The following DLC1 variants were observed in gnomAD, a reference collection of about 807,000 sequenced individuals.
DLC1 encodes rho GTPase-activating protein 7.
In DLC1, 54 loss-of-function variants were observed where a neutral mutation model predicts 140.3. The observed-to-expected ratio is 0.38, with a 90% confidence interval of 0.31 to 0.48. The LOEUF (loss-of-function observed/expected upper bound fraction) is 0.48. Ranked by LOEUF, DLC1 falls within the 20% of genes least tolerant of loss-of-function variation. DLC1 has a pLI of 0.96. For missense variants in DLC1, 2,536 were observed against 1,907.0 expected (o/e 1.33, Z -6.14); for synonymous variants, 986 against 728.1 (o/e 1.35, Z -5.70).
At chr8:13,550,638 C>A (rs1585265136) in intron 1 of DLC1, among the ~76,000 whole-genome samples, 1 of 152,190 alleles carries the variant, frequency 6.6e-6, no homozygotes, top group South Asian at 2.1e-4. Flanking sequence ...AACAAAATAT[C>A]ATTATGTATA....
At chr8:13,321,951 A>C (rs946690019) in intron 4 of DLC1, among the ~76,000 whole-genome samples, 1 of 152,190 alleles carries the variant, frequency 6.6e-6, no homozygotes, top group Non-Finnish European at 1.5e-5. Flanking sequence ...TATCTGGGTA[A>C]AAATTCCATT....
At chr8:13,137,834 C>G (rs1822687741) in intron 5 of DLC1, among the ~76,000 whole-genome samples, 1 of 151,778 alleles carries the variant, frequency 6.6e-6, no homozygotes, top group African/African-American at 2.4e-5. Context: ...CTGATCTCAG[C>G]TGATCTGCCC....
At chr8:13,560,771 G>C (rs931690508) in intron 1 of DLC1, among the ~76,000 whole-genome samples, 1 of 152,036 alleles carries the variant, frequency 6.6e-6, no homozygotes, top group Non-Finnish European at 1.5e-5. Flanking sequence ...TCCCTGTGGG[G>C]GGGGAGGGAA....
At chr8:13,450,042 G>C (rs533563390) in intron 2 of DLC1, among the ~76,000 whole-genome samples, 2 of 151,868 alleles carry the variant, frequency 1.3e-5, no homozygotes, top group South Asian at 2.1e-4. Flanking sequence ...AAAATTGCCA[G>C]TTTTTAGCTC....
chr8:13,413,096 C>T (rs1477134541), intron 2 of DLC1, among the ~76,000 whole-genome samples: 6 of 151,886 alleles, frequency 4.0e-5, no homozygotes, highest in African/African-American at 1.5e-4. Context: ...TGGGACCCTG[C>T]TACTGATAAG....
chr8:13,442,410 A>C (rs1688791019), intron 2 of DLC1, among the ~76,000 whole-genome samples: 1 of 152,224 alleles, frequency 6.6e-6, no homozygotes, highest in Non-Finnish European at 1.5e-5. Flanking sequence ...CATCACAGTG[A>C]ACAGGCAACC....
At chr8:13,337,922 T>C (rs1258922491) in intron 4 of DLC1, among the ~76,000 whole-genome samples, 5 of 152,210 alleles carry the variant, frequency 3.3e-5, no homozygotes, top group Non-Finnish European at 7.3e-5. Flanking sequence ...GAATTGTATA[T>C]GCAATTTATT....
intron 1 of DLC1, among the ~76,000 whole-genome samples, chr8:13,564,985 A>G (rs1447276998): frequency 6.6e-6 from 1 of 152,188 alleles, no homozygotes; most frequent in African/African-American, 2.4e-5. Flanking sequence ...AGATGGCAAG[A>G]AGATTGAGAT....
chr8:13,114,521 C>G (rs1485848312), intron 6 of DLC1, among the ~76,000 whole-genome samples: 1 of 151,974 alleles, frequency 6.6e-6, no homozygotes, highest in Non-Finnish European at 1.5e-5. Flanking sequence ...AGCACAGATC[C>G]TATTTTTTTT....
chr8:13,549,034 C>T (rs1448805887), intron 1 of DLC1, among the ~76,000 whole-genome samples: 1 of 151,894 alleles, frequency 6.6e-6, no homozygotes, highest in African/African-American at 2.4e-5. Flanking sequence ...TTTTTCCTTC[C>T]ATTACATTTA....
intron 5 of DLC1, chr8:13,116,280 A>G (rs1820552910): frequency 2.1e-6 from 2 of 962,318 alleles, no homozygotes; most frequent in Middle Eastern, 5.3e-4. Context: ...AATGGCTAAT[A>G]AAGCTTCTAC....
At chr8:13,589,690 T>A (rs1027031967) in intron 1 of DLC1, among the ~76,000 whole-genome samples, 1 of 7,642 alleles carries the variant, frequency 1.3e-4, no homozygotes, top group Non-Finnish European at 1.2e-3. Flanking sequence ...GAATGCTCTG[T>A]TTTTTTTTTT....
chr8:13,088,359 G>A (rs1253820844), intron 16 of DLC1, 128 bp downstream of exon 16: 1 of 1,112,570 alleles, frequency 9.0e-7, no homozygotes, highest in Non-Finnish European at 1.3e-6. Context: ...TGGGATTACA[G>A]GTGTGAGCCA....
rs1825329590 is a variant in DLC1, at chr8:13,169,680, A to AACACCT, written c.1349-54024_1349-54023insAGGTGT. ...TCTAAATCAGGACTTTGTTTTTTAAAAAGTCTGCAGGTGTTATTGCCTTTT... is the reference window on the plus strand; with the variant it reads ...TCTAAATCAGGACTTTGTTTTTTAAAACACCTAAGTCTGCAGGTGTTATTGCCTTTT... On this transcript the variant is annotated intron_variant, in intron 5 of 17. Coordinates refer to ENST00000276297, the MANE Select transcript of DLC1 (RefSeq NM_182643.3). 3.9e-5 allele frequency among the ~76,000 whole-genome samples: 6 copies of AACACCT among 152,288 alleles called. No homozygotes were observed. In the South Asian group the frequency reaches 1.2e-3, roughly 32 times the overall value.
intron 4 of DLC1, among the ~76,000 whole-genome samples, chr8:13,307,680 G>T (rs1474528950): frequency 6.6e-6 from 1 of 152,196 alleles, no homozygotes; most frequent in East Asian, 1.9e-4. Context: ...CCTGGAGAAA[G>T]TTCCTCAGGA....
At chr8:13,415,954 T>C (rs1450480503) in intron 2 of DLC1, among the ~76,000 whole-genome samples, 1 of 152,140 alleles carries the variant, frequency 6.6e-6, no homozygotes, top group Non-Finnish European at 1.5e-5. Flanking sequence ...TTCAAACAAC[T>C]ATGCCAAAGT....
chr8:13,363,227 T>C (rs957562721), intron 4 of DLC1, among the ~76,000 whole-genome samples: 1 of 152,244 alleles, frequency 6.6e-6, no homozygotes, highest in Non-Finnish European at 1.5e-5. Context: ...CTTTGTAGTT[T>C]GTTATCTTTC....
chr8:13,098,604 T>G, intron 9 of DLC1, 29 bp from the exon 10 acceptor site: 1 of 1,586,482 alleles, frequency 6.3e-7, no homozygotes, highest in Non-Finnish European at 8.5e-7. Context: ...GGAAAATGAG[T>G]GTGAAGCCTT....
chr8:13,461,818 C>T (rs1799673691), intron 2 of DLC1, among the ~76,000 whole-genome samples: 1 of 152,246 alleles, frequency 6.6e-6, no homozygotes, highest in South Asian at 2.1e-4. Context: ...CGATGCTCTT[C>T]GTTACCCCGT....
Sources: gnomAD v4.1 joint callset for allele counts (sites outside exome capture counted in the v4.1 genomes callset) on GRCh38, gnomAD v4.1.1 for gene constraint, MANE v1.5 for transcripts, NCBI Gene and HGNC (gene_info 2026-07-23, HGNC 2026-07-21) for gene names.